TSPAN9: variants seen among roughly 807,000 people sequenced by gnomAD.
TSPAN9 encodes tetraspanin-9.
In TSPAN9, 16 loss-of-function variants were observed where a neutral mutation model predicts 31.0. The ratio of observed to expected loss-of-function variants is 0.52; its 90% CI spans 0.35 to 0.78. The LOEUF (loss-of-function observed/expected upper bound fraction) is 0.78, where lower values mean the gene tolerates loss of function less well. TSPAN9 is among the 30% of genes least tolerant of loss of function. TSPAN9 has a pLI of 0.01. For synonymous variants in TSPAN9, 145 were observed against 121.6 expected (o/e 1.19, Z -1.27); for missense variants, 272 against 312.5 (o/e 0.87, Z 0.98).
chr12:3,083,955 T>C (rs2098299156), intron 2 of TSPAN9: 1 of 152,204 alleles, frequency 6.6e-6, no homozygotes, highest in African/African-American at 2.4e-5. Context: ...TTCTGATTGG[T>C]GGCTGATGGT....
chr12:3,146,318 G>A lies in TSPAN9; in HGVS notation c.-17-54859G>A, dbSNP rs548869894. 1.1e-3 allele frequency among the ~76,000 whole-genome samples: 162 copies of A among 152,310 alleles called. No homozygotes were observed. The Middle Eastern group carries it at 0.014, about 13-fold the overall frequency. Reference sequence around the variant, plus strand: ...CCCCTGGGTGTCTCAAGGCCCTCGGGGAGCTTAGGGTGGGGAGACTGTGTG... The same window carrying A: ...CCCCTGGGTGTCTCAAGGCCCTCGGAGAGCTTAGGGTGGGGAGACTGTGTG... On this transcript the variant is annotated intron_variant, in intron 2 of 8. Coordinates refer to ENST00000011898, the MANE Select transcript of TSPAN9 (RefSeq NM_006675.5).
intron 3 of TSPAN9, among the ~76,000 whole-genome samples, chr12:3,229,417 C>T (rs537486224): frequency 8.5e-5 from 13 of 152,312 alleles, no homozygotes; most frequent in East Asian, 7.7e-4. Flanking sequence ...TCCTTCCATC[C>T]GTCCTCATTT....
chr12:3,088,052 A>G (rs576825485), intron 2 of TSPAN9, among the ~76,000 whole-genome samples: 2 of 152,354 alleles, frequency 1.3e-5, no homozygotes, highest in African/African-American at 4.8e-5. Flanking sequence ...CAGGCTCTAC[A>G]GGAGGGCTCA....
chr12:3,134,385 G>A (rs1309027871), intron 2 of TSPAN9, among the ~76,000 whole-genome samples: 1 of 152,206 alleles, frequency 6.6e-6, no homozygotes, highest in African/African-American at 2.4e-5. Context: ...GACCCGAGAT[G>A]ATCATTCATT....
At chr12:3,091,539 C>T (rs1314370820) in intron 2 of TSPAN9, among the ~76,000 whole-genome samples, 4 of 152,110 alleles carry the variant, frequency 2.6e-5, no homozygotes, top group African/African-American at 9.7e-5. Context: ...CTCCCCAGCA[C>T]CAATCATTCA....
intron 3 of TSPAN9, among the ~76,000 whole-genome samples, chr12:3,239,033 G>A (rs950263485): frequency 6.6e-6 from 1 of 152,232 alleles, no homozygotes; most frequent in African/African-American, 2.4e-5. Flanking sequence ...CGTTAGACCT[G>A]AGGGTGCCCT....
chr12:3,275,521 A>G (rs1862765432), intron 3 of TSPAN9, among the ~76,000 whole-genome samples: 1 of 152,280 alleles, frequency 6.6e-6, no homozygotes, highest in Admixed American at 6.5e-5. Flanking sequence ...TTGAGACGGC[A>G]GCATAGAAAC....
intron 2 of TSPAN9, among the ~76,000 whole-genome samples, chr12:3,137,078 G>A (rs908361062): frequency 6.6e-6 from 1 of 152,224 alleles, no homozygotes; most frequent in Non-Finnish European, 1.5e-5. Flanking sequence ...GACTGCGGCC[G>A]GGACCCTCTT....
Position 3,192,743 on chromosome 12 carries a change from A to G in TSPAN9, c.-17-8434A>G, listed in dbSNP as rs1017855979. 3.3e-5 allele frequency among the ~76,000 whole-genome samples: 5 copies of G among 152,124 alleles called. No homozygotes were observed. The highest frequency in any genetic ancestry group is 1.2e-4 in the African/African-American group (5 of 41,414). ...GCCCTGGAACGGAGGAGATGGTCAT[A>G]TAGAGGAAAGTTGGGCAGAAGAGAA... On this transcript the variant is annotated intron_variant, in intron 2 of 8. Coordinates refer to ENST00000011898, the MANE Select transcript of TSPAN9 (RefSeq NM_006675.5). The surrounding 1 kb of genome is among the most constrained non-coding windows in gnomAD (Gnocchi z 4.6).
chr12:3,191,849 T>G (rs545875848), intron 2 of TSPAN9, among the ~76,000 whole-genome samples: 50 of 152,206 alleles, frequency 3.3e-4, no homozygotes, highest in Middle Eastern at 3.4e-3. Flanking sequence ...TGATGGTGAC[T>G]GCTATGAGAA....
chr12:3,247,121 G>A (rs373581020), intron 3 of TSPAN9, among the ~76,000 whole-genome samples: 43 of 152,258 alleles, frequency 2.8e-4, no homozygotes, highest in African/African-American at 7.9e-4. Flanking sequence ...GTCGAGCATC[G>A]TCGGGTTTAT....
chr12:3,158,743 A>AAAG, intron 2 of TSPAN9, among the ~76,000 whole-genome samples: 1 of 150,592 alleles, frequency 6.6e-6, no homozygotes, highest in South Asian at 2.1e-4. Flanking sequence ...AAAAAAAAAA[A>AAAG]GCATAGGCTT....
chr12:3,089,941 C>CT lies in TSPAN9; in HGVS notation c.-18+6230dup, dbSNP rs59546545. Among the ~76,000 whole-genome samples, 3,273 of 151,700 alleles carry CT rather than the reference C, an allele frequency of 0.022. 302 individuals are homozygous for CT. The East Asian group carries it at 0.33, about 15-fold the overall frequency. On this transcript the variant is annotated intron_variant, in intron 2 of 8. Transcript: ENST00000011898. ...AATAAATAAATAAAATAAAAGCATC[C>CT]TTTTTTTTGTTGCAAAATAATAAAA... is the stretch of plus-strand genomic sequence containing the variant.
intron 2 of TSPAN9, among the ~76,000 whole-genome samples, chr12:3,160,666 C>G (rs1047274848): frequency 6.6e-6 from 1 of 152,146 alleles, no homozygotes; most frequent in African/African-American, 2.4e-5. Context: ...GAAATGGTAT[C>G]TCATTGTGGT....
At chr12:3,080,788 G>A (rs943992584) in intron 1 of TSPAN9, among the ~76,000 whole-genome samples, 6 of 152,150 alleles carry the variant, frequency 3.9e-5, no homozygotes, top group Admixed American at 3.9e-4. Context: ...CCTCCTCCCA[G>A]CCTCTGGCAG....
chr12:3,116,069 A>C (rs1210011685), intron 2 of TSPAN9, among the ~76,000 whole-genome samples: 2 of 152,228 alleles, frequency 1.3e-5, no homozygotes, highest in Non-Finnish European at 2.9e-5. Flanking sequence ...CATTTAGATA[A>C]AAGTTTCGCT....
intron 3 of TSPAN9, among the ~76,000 whole-genome samples, chr12:3,274,384 G>T (rs541637913): frequency 4.5e-4 from 65 of 144,832 alleles, no homozygotes; most frequent in Non-Finnish European, 1.4e-4. Flanking sequence ...GAATCTTAAG[G>T]TCACACTAGG....
intron 3 of TSPAN9, among the ~76,000 whole-genome samples, chr12:3,212,516 A>ATCC (rs10661956): frequency 0.65 from 98,853 of 151,724 alleles, 32,366 homozygotes; most frequent in Middle Eastern, 0.77. Context: ...GCCTTAAGCA[A>ATCC]TCCTGCCTTG....
intron 3 of TSPAN9, among the ~76,000 whole-genome samples, chr12:3,260,565 C>G (rs3782778): frequency 1.3e-5 from 2 of 152,008 alleles, no homozygotes; most frequent in Non-Finnish European, 2.9e-5. Flanking sequence ...AAATATCTCT[C>G]GGGATCCTAC....
Sources: allele counts gnomAD v4.1 joint callset (sites outside exome capture counted in the v4.1 genomes callset), GRCh38; gene constraint gnomAD v4.1.1; non-coding constraint Gnocchi (gnomAD v3.1); transcripts MANE v1.5; gene names NCBI Gene and HGNC (gene_info 2026-07-23, HGNC 2026-07-21).